The following YEATS2 variants were observed in gnomAD, a reference collection of about 807,000 sequenced individuals.
YEATS2 encodes YEATS domain containing 2, also known as YEATS domain-containing protein 2.
A neutral mutation model predicts 163.2 loss-of-function variants in YEATS2; 77 were observed. The ratio of observed to expected loss-of-function variants is 0.47; its 90% CI spans 0.39 to 0.57. YEATS2 has a LOEUF of 0.57. Among genes scored for constraint, YEATS2 ranks in the 20% least tolerant of loss-of-function variants. The probability of loss-of-function intolerance (pLI) is 0.00; values close to 1 mark genes in which losing one functional copy is unlikely to be tolerated. For missense variants in YEATS2, 1,549 were observed against 1,729.8 expected, an observed-to-expected ratio of 0.90 and a Z score of 1.85; for synonymous variants, 631 against 645.1, an observed-to-expected ratio of 0.98 and a Z score of 0.33.
At chr3:183,777,467 G>T in intron 18 of YEATS2, 75 bp from the exon 19 acceptor site, 1 of 1,494,674 alleles carries the variant, frequency 6.7e-7, no homozygotes, top group South Asian at 1.3e-5. Context: ...CGTTACATGT[G>T]ATTTAAGGGA....
At chr3:183,795,154 A>C (rs1176351822) in intron 21 of YEATS2, among the ~76,000 whole-genome samples, 1 of 148,640 alleles carries the variant, frequency 6.7e-6, no homozygotes, top group African/African-American at 2.5e-5. Flanking sequence ...CCTGGGTGAA[A>C]GAGCAAGACA....
At chr3:183,754,568 A>C (rs1017592630) in intron 11 of YEATS2, among the ~76,000 whole-genome samples, 3 of 152,242 alleles carry the variant, frequency 2.0e-5, no homozygotes, top group African/African-American at 7.2e-5. Flanking sequence ...TGAATGGAGG[A>C]GATAAATGAA....
At chr3:183,755,763 T>TC (rs1720684555) in intron 11 of YEATS2, among the ~76,000 whole-genome samples, 1 of 120,122 alleles carries the variant, frequency 8.3e-6, no homozygotes, top group Non-Finnish European at 1.7e-5. Context: ...TTTTTTTTTT[T>TC]TTTTTTTGAG....
At chr3:183,775,787 C>T (rs531210366) in intron 17 of YEATS2, 128 bp from the exon 18 acceptor site, 20 of 1,408,232 alleles carry the variant, frequency 1.4e-5, no homozygotes, top group African/African-American at 4.2e-5. Flanking sequence ...ACAGAAAAGA[C>T]GGAGGAAAAT....
At chr3:183,725,634 A>G (rs890410872) in intron 6 of YEATS2, among the ~76,000 whole-genome samples, 13 of 152,332 alleles carry the variant, frequency 8.5e-5, no homozygotes, top group Middle Eastern at 3.4e-3. Flanking sequence ...ATTTATTATC[A>G]CGAGAACAGC....
At chr3:183,804,210 C>T (rs1215489605) in intron 27 of YEATS2, 22 bp downstream of exon 27, 8 of 1,613,218 alleles carry the variant, frequency 5.0e-6, no homozygotes, top group Non-Finnish European at 6.8e-6. Flanking sequence ...GTGGCACTGC[C>T]CAGAGCGCCT....
chr3:183,715,122 T>C, intron 1 of YEATS2, 22 bp from the exon 2 acceptor site: 1 of 1,461,536 alleles, frequency 6.8e-7, no homozygotes, highest in Non-Finnish European at 9.5e-7. Context: ...TTAAAAATTA[T>C]TAATTTATCA....
intron 24 of YEATS2, 152 bp downstream of exon 24, chr3:183,800,720 G>C: frequency 1.6e-6 from 1 of 624,424 alleles, no homozygotes; most frequent in Non-Finnish European, 2.8e-6. Context: ...GTTACCACTT[G>C]ATGCACAGCT....
At chr3:183,748,873 A>G (rs927223261) in intron 9 of YEATS2, among the ~76,000 whole-genome samples, 2 of 152,162 alleles carry the variant, frequency 1.3e-5, no homozygotes, top group Non-Finnish European at 2.9e-5. Context: ...CACTGGGATT[A>G]CAGGCATGAG....
rs1269796640 is a variant in YEATS2 at position 183,763,085 on chromosome 3, T to A, written c.1947+806T>A. 6.6e-5 allele frequency among the ~76,000 whole-genome samples: 9 copies of A among 135,680 alleles called. No homozygotes were observed. The South Asian group carries it at 1.4e-3, about 21-fold the overall frequency. The allele number at this position is 135,680 out of a possible 152,430, so 89.0% of individuals were successfully genotyped here. On this transcript the variant is annotated intron_variant, in intron 15 of 30. Transcript: ENST00000305135. ...AAAATTAAAAAATTAAAAAAAAAAATAGCACATAGAGCCATGTTTTCCTGA... is the reference window on the plus strand; with the variant it reads ...AAAATTAAAAAATTAAAAAAAAAAAAAGCACATAGAGCCATGTTTTCCTGA...
chr3:183,719,834 C>T (rs533174239), intron 4 of YEATS2, among the ~76,000 whole-genome samples: 37 of 152,266 alleles, frequency 2.4e-4, no homozygotes, highest in Non-Finnish European at 4.6e-4. Flanking sequence ...GCCTCAGCCT[C>T]CTGAGTAGCT....
intron 6 of YEATS2, among the ~76,000 whole-genome samples, chr3:183,728,477 A>T (rs1577068044): frequency 6.6e-6 from 1 of 152,222 alleles, no homozygotes; most frequent in African/African-American, 2.4e-5. Flanking sequence ...TTACAGTGTG[A>T]GCCAGCCACT....
chr3:183,757,413 C>G (rs926935735), intron 12 of YEATS2, among the ~76,000 whole-genome samples: 2 of 152,134 alleles, frequency 1.3e-5, no homozygotes, highest in Non-Finnish European at 2.9e-5. Context: ...GCCTCAGCCT[C>G]CCATGTAGCT....
At chr3:183,805,770 C>T (rs746038819) in intron 27 of YEATS2, among the ~76,000 whole-genome samples, 2 of 151,724 alleles carry the variant, frequency 1.3e-5, no homozygotes, top group Admixed American at 1.3e-4. Context: ...GCTTGGGTGA[C>T]AGCGCAAAAC....
At position 183,790,777 on chromosome 3, in the gene YEATS2, C is replaced by A; in HGVS notation, c.2914-20C>A. On this transcript the variant is annotated intron_variant, in intron 20 of 30. Transcript: ENST00000305135. The stretch of plus-strand genomic sequence containing the variant: ...GCTTTCTTCCTGAACTGTGTTGTTT[C>A]GGACCCCATGGGTGAGCAGTCTGAA... The A allele has an allele frequency of 1.9e-6, 3 of 1,607,222 alleles. No individual in the cohort carries two copies. Among genetic ancestry groups the A allele is most frequent in the Non-Finnish European group, 2.6e-6 (3 of 1,174,704 alleles).
In YEATS2 at chr3:183,758,942, A is replaced by G; in HGVS notation, c.1633A>G (p.Ser545Gly). The stretch of plus-strand genomic sequence containing the variant: ...CCCTGTTCCTAAAATTCATGGAAGT[A>G]GTTTTGTAACATCTACTGTCAAGGT... ...GSPVPKIHGS[S>G]FVTSTVKQED... is the part of the protein sequence containing the mutation. The change falls in exon 13 of 31, where the codon AGT (serine) becomes GGT (glycine). Residue 545 changes from serine (S) to glycine (G), a missense_variant. Coordinates refer to ENST00000305135, the MANE Select transcript of YEATS2 (RefSeq NM_018023.5). The G allele has an allele frequency of 6.3e-7, 1 of 1,588,476 alleles. No homozygotes were observed. The highest frequency in any genetic ancestry group is 2.3e-5 in the East Asian group (1 of 44,148).
chr3:183,786,016 T>C, intron 19 of YEATS2, 109 bp from the exon 20 acceptor site: 1 of 1,308,190 alleles, frequency 7.6e-7, no homozygotes, highest in Admixed American at 2.3e-5. Flanking sequence ...TGGTAAGACT[T>C]TCTTGGTTAT....
In YEATS2 at chr3:183,738,973, G is replaced by A. The variant is rs1439874958; in HGVS notation, c.924+2144G>A. 4.9e-5 allele frequency among the ~76,000 whole-genome samples: 7 copies of A among 143,178 alleles called. No homozygotes were observed. In the East Asian group the frequency reaches 6.3e-4, roughly 13 times the overall value. The allele number at this position is 143,178 out of a possible 152,430, so 93.9% of individuals were successfully genotyped here. ...TCTAGTTCTAGATCCCTGAGGAATC[G>A]CCACACTGACTTCCACAATGGTTGA... On this transcript the variant is annotated intron_variant, in intron 8 of 30. Transcript: ENST00000305135.
intron 15 of YEATS2, among the ~76,000 whole-genome samples, chr3:183,771,745 T>TA (rs1482567661): frequency 1.4e-4 from 17 of 123,954 alleles, no homozygotes; most frequent in South Asian, 5.5e-4. Context: ...TTTTTTTTTT[T>TA]AGACAGAGTC....
Sources: allele counts gnomAD v4.1 joint callset (sites outside exome capture counted in the v4.1 genomes callset), GRCh38; gene constraint gnomAD v4.1.1; transcripts MANE v1.5; gene names NCBI Gene and HGNC (gene_info 2026-07-23, HGNC 2026-07-21).